The following LTAP1 variants were observed in gnomAD, a reference collection of about 807,000 sequenced individuals.
LTAP1 encodes the protein lipid transport auxiliary protein 1.
chr1:154,220,324 G>A, the LTAP1 span: 1 of 1,613,968 alleles, frequency 6.2e-7, no homozygotes, highest in South Asian at 1.1e-5. Context: ...CAGGAATGGG[G>A]TGGGGTAATC....
the LTAP1 span, chr1:154,211,821 C>A: frequency 6.5e-6 from 1 of 153,778 alleles, no homozygotes; most frequent in East Asian, 1.9e-4. Flanking sequence ...GTAAAAACTT[C>A]TTTTACTAGC....
At chr1:154,219,854 C>T in the LTAP1 span, 2 of 1,610,948 alleles carry the variant, frequency 1.2e-6, no homozygotes, top group South Asian at 1.1e-5. Context: ...CATTGTGTCC[C>T]ACAGGGACAT....
At chr1:154,214,691 T>C in the LTAP1 span, 7 of 649,576 alleles carry the variant, frequency 1.1e-5, no homozygotes, top group African/African-American at 9.1e-5. Context: ...ACCATGCTCA[T>C]GTAGTTAATA....
At chr1:154,212,128 A>G in the LTAP1 span, 2 of 640,582 alleles carry the variant, frequency 3.1e-6, no homozygotes, top group Non-Finnish European at 5.5e-6. Flanking sequence ...AAGTGCTGGG[A>G]TTATAGGCGT....
the LTAP1 span, among the ~76,000 whole-genome samples, chr1:154,218,054 CA>C: frequency 2.0e-4 from 31 of 152,288 alleles, no homozygotes; most frequent in East Asian, 4.8e-3. Context: ...CTCAGCCTCC[CA>C]AAGTGCTAGG....
the LTAP1 span, among the ~76,000 whole-genome samples, chr1:154,215,994 C>T: frequency 5.9e-5 from 9 of 151,900 alleles, no homozygotes; most frequent in African/African-American, 1.7e-4. Flanking sequence ...CCCGCCACCA[C>T]GCCTGGCTAA....
the LTAP1 span, among the ~76,000 whole-genome samples, chr1:154,216,852 T>C: frequency 5.3e-5 from 8 of 152,040 alleles, no homozygotes; most frequent in Non-Finnish European, 1.0e-4. Flanking sequence ...TTTCCCCATA[T>C]TGCCTACGCT....
the LTAP1 span, chr1:154,212,289 C>A: frequency 6.2e-7 from 1 of 1,612,600 alleles, no homozygotes; most frequent in Non-Finnish European, 8.5e-7. Flanking sequence ...ACTGTACCAG[C>A]TCCCTCTGAC....
the LTAP1 span, chr1:154,214,452 C>T: frequency 1.9e-6 from 3 of 1,592,060 alleles, no homozygotes; most frequent in South Asian, 3.3e-5. Flanking sequence ...GAGCTTGCCA[C>T]ATACTTTGAT....
the LTAP1 span, among the ~76,000 whole-genome samples, chr1:154,215,207 T>TA: frequency 2.2e-4 from 33 of 151,466 alleles, no homozygotes; most frequent in Admixed American, 9.9e-4. Context: ...GAGGCTACTT[T>TA]AAAAAAAAAT....
the LTAP1 span, among the ~76,000 whole-genome samples, chr1:154,218,797 G>C: frequency 6.6e-6 from 1 of 152,236 alleles, no homozygotes; most frequent in Non-Finnish European, 1.5e-5. Context: ...TAGCGGAAGA[G>C]AGAGGCATGT....
chr1:154,209,484 G>C, the LTAP1 span, among the ~76,000 whole-genome samples: 2 of 148,390 alleles, frequency 1.3e-5, no homozygotes, highest in South Asian at 4.3e-4. Context: ...AGAGGGCAGT[G>C]GCATGATCTT....
the LTAP1 span, among the ~76,000 whole-genome samples, chr1:154,218,385 G>A: frequency 3.3e-5 from 5 of 152,154 alleles, no homozygotes; most frequent in Non-Finnish European, 7.3e-5. Flanking sequence ...ACTAGACCAA[G>A]GGACCCCTGA....
chr1:154,212,659 A>C, the LTAP1 span: 6 of 1,611,266 alleles, frequency 3.7e-6, no homozygotes, highest in Non-Finnish European at 4.2e-6. Context: ...ATCTCTTCTC[A>C]TTCTTTAGTC....
chr1:154,218,320 T>G, the LTAP1 span, among the ~76,000 whole-genome samples: 1 of 152,210 alleles, frequency 6.6e-6, no homozygotes, highest in Admixed American at 6.6e-5. Context: ...ATACTTTCAC[T>G]AGCAATGGTT....
chr1:154,216,768 C>A, the LTAP1 span, among the ~76,000 whole-genome samples: 1 of 151,956 alleles, frequency 6.6e-6, no homozygotes, highest in Non-Finnish European at 1.5e-5. Context: ...CTCATGTGGG[C>A]CTCCCAAAGT....
At chr1:154,220,483 G>A in the LTAP1 span, 1 of 1,559,258 alleles carries the variant, frequency 6.4e-7, no homozygotes, top group Non-Finnish European at 8.8e-7. Flanking sequence ...CCGCCGAAGC[G>A]ACGGCGCCTG....
chr1:154,209,998 T>C, the LTAP1 span, among the ~76,000 whole-genome samples: 1 of 151,970 alleles, frequency 6.6e-6, no homozygotes, highest in Non-Finnish European at 1.5e-5. Context: ...AGTGTTGGGA[T>C]TACAAGTACG....
At chr1:154,214,809 A>G in the LTAP1 span, among the ~76,000 whole-genome samples, 4 of 152,046 alleles carry the variant, frequency 2.6e-5, no homozygotes, top group Admixed American at 6.6e-5. Context: ...TGTGCCAGAA[A>G]TCCTTCAAGC....
Sources: allele counts gnomAD v4.1 joint callset (sites outside exome capture counted in the v4.1 genomes callset), GRCh38; gene constraint gnomAD v4.1.1; transcripts MANE v1.5; gene names NCBI Gene and HGNC (gene_info 2026-07-23, HGNC 2026-07-21).